CIDEA: variants seen among roughly 807,000 people sequenced by gnomAD.
CIDEA encodes lipid transferase CIDEA.
CIDEA carries 10 observed loss-of-function variants against 18.2 expected under a neutral mutation model. The observed-to-expected ratio is 0.55, with a 90% CI of 0.34 to 0.93. CIDEA has a LOEUF of 0.93. Ranked by LOEUF, CIDEA falls within the 40% of genes least tolerant of loss-of-function variation. CIDEA has a pLI of 0.02. For synonymous variants in CIDEA, 128 were observed against 124.8 expected (o/e 1.03, Z -0.17); for missense variants, 309 against 293.1 (o/e 1.05, Z -0.40).
At position 12,270,318 on chromosome 18, in the gene CIDEA, A is replaced by G. The variant is rs562528085; in HGVS notation, c.331-3775A>G. ...CATATACATATATATTATATATATAACCTCACAATTTTCCTGACTGGGAAA... is the reference window on the plus strand; with the variant it reads ...CATATACATATATATTATATATATAGCCTCACAATTTTCCTGACTGGGAAA... On this transcript the variant is annotated intron_variant, in intron 3 of 4. Coordinates refer to ENST00000320477, the MANE Select transcript of CIDEA (RefSeq NM_001279.4). Among the ~76,000 whole-genome samples, 3 of 151,908 alleles carry G rather than the reference A, an allele frequency of 2.0e-5. No individual in the cohort carries two copies. In the East Asian group the frequency reaches 5.8e-4, roughly 29 times the overall value.
At chr18:12,268,104 G>A (rs552597257) in intron 3 of CIDEA, among the ~76,000 whole-genome samples, 355 of 151,768 alleles carry the variant, frequency 2.3e-3, no homozygotes, top group Admixed American at 4.7e-3. Context: ...TCGCTCTGTC[G>A]CCCAGGCTGG....
At chr18:12,257,843 G>A (rs1912080994) in intron 1 of CIDEA, among the ~76,000 whole-genome samples, 1 of 152,134 alleles carries the variant, frequency 6.6e-6, no homozygotes, top group African/African-American at 2.4e-5. Context: ...CCTGCTTTTA[G>A]GCACGGTGCT....
At chr18:12,254,505 G>A in intron 1 of CIDEA, 84 bp downstream of exon 1, 1 of 1,548,934 alleles carries the variant, frequency 6.5e-7, no homozygotes, top group Non-Finnish European at 8.7e-7. Context: ...TGCGCCTCTA[G>A]TACCGTACCC....
intron 1 of CIDEA, among the ~76,000 whole-genome samples, chr18:12,259,722 A>T (rs1035254101): frequency 6.6e-6 from 1 of 152,140 alleles, no homozygotes; most frequent in African/African-American, 2.4e-5. Flanking sequence ...TTAGCCAGGC[A>T]TGGTAGCGGG....
At chr18:12,275,482 G>A (rs1472841073) in intron 4 of CIDEA, among the ~76,000 whole-genome samples, 1 of 152,250 alleles carries the variant, frequency 6.6e-6, no homozygotes, top group Non-Finnish European at 1.5e-5. Flanking sequence ...TAACCTCTGT[G>A]GAGGGAGTGG....
intron 3 of CIDEA, among the ~76,000 whole-genome samples, chr18:12,264,715 G>C (rs1049583701): frequency 6.6e-6 from 1 of 152,014 alleles, no homozygotes; most frequent in African/African-American, 2.4e-5. Context: ...CACCACGCCT[G>C]GCTAACTTTT....
intron 1 of CIDEA, among the ~76,000 whole-genome samples, chr18:12,255,773 G>A (rs1912015697): frequency 6.6e-6 from 1 of 152,194 alleles, no homozygotes; most frequent in Admixed American, 6.5e-5. Flanking sequence ...GCCTGTCCCT[G>A]CCTCTGACTA....
At chr18:12,264,528 T>G (rs1374197078) in intron 3 of CIDEA, 75 bp downstream of exon 3, 8 of 1,097,848 alleles carry the variant, frequency 7.3e-6, no homozygotes, top group Non-Finnish European at 9.1e-6. Flanking sequence ...CCTACTTGGG[T>G]GTTGACTTGT....
chr18:12,260,611 AT>A (rs1477429783), intron 1 of CIDEA, among the ~76,000 whole-genome samples: 1 of 152,264 alleles, frequency 6.6e-6, no homozygotes, highest in Non-Finnish European at 1.5e-5. Context: ...TAAGCTAGGT[AT>A]TACAGGAAAT....
chr18:12,262,960 C>A lies in CIDEA; in HGVS notation c.174C>A (p.Leu58=). The A allele has an allele frequency of 6.2e-7, 1 of 1,614,104 alleles. No individual in the cohort carries two copies. Among genetic ancestry groups the A allele is most frequent in the South Asian group, 1.1e-5 (1 of 91,084 alleles). ...TGATGGCAAGCAGCCTGCAGGAGCT[C>A]ATCAGCAAGGTGCCCCACATCCCGC... ...RGVMASSLQE[L]ISKTLDALVI... is the part of the protein sequence containing the mutation. Residue 58 remains leucine, a synonymous_variant, in exon 2 of 5, where the codon CTC becomes CTA. Coordinates refer to ENST00000320477, the MANE Select transcript of CIDEA (RefSeq NM_001279.4).
At chr18:12,254,488 T>C (rs925957638) in intron 1 of CIDEA, 67 bp downstream of exon 1, 2 of 1,565,350 alleles carry the variant, frequency 1.3e-6, no homozygotes, top group African/African-American at 2.7e-5. Flanking sequence ...GGCCTCATAT[T>C]CCCCTGTGCG....
At chr18:12,271,373 G>A (rs935178111) in intron 3 of CIDEA, among the ~76,000 whole-genome samples, 6 of 152,226 alleles carry the variant, frequency 3.9e-5, no homozygotes, top group African/African-American at 1.2e-4. Context: ...GAGGAGGAGA[G>A]ATGTGGGGTA....
At chr18:12,274,409 G>C in intron 4 of CIDEA, 135 bp downstream of exon 4, 1 of 707,930 alleles carries the variant, frequency 1.4e-6, no homozygotes, top group East Asian at 2.7e-5. Flanking sequence ...AATGTTGTCT[G>C]GAGGTCAACT....
chr18:12,270,894 C>CTTTTTTTTTTTTTTTTCTTTTTT (rs1912501507), intron 3 of CIDEA, among the ~76,000 whole-genome samples: 1 of 60,000 alleles, frequency 1.7e-5, no homozygotes, highest in Non-Finnish European at 2.9e-5. Flanking sequence ...TTTTTCTTTT[C>CTTTTTTTTTTTTTTTTCTTTTTT]TTTTTTTTTT....
chr18:12,263,864 T>C (rs1698883272), intron 2 of CIDEA: 1 of 152,584 alleles, frequency 6.6e-6, no homozygotes, highest in African/African-American at 2.4e-5. Context: ...TCTAAATAAA[T>C]AGGTAATCTT....
intron 3 of CIDEA, among the ~76,000 whole-genome samples, chr18:12,270,894 C>CTTTTTTTTTTTTTTTTCT (rs1912501507): frequency 1.7e-5 from 1 of 60,014 alleles, no homozygotes; most frequent in East Asian, 6.6e-4. Context: ...TTTTTCTTTT[C>CTTTTTTTTTTTTTTTTCT]TTTTTTTTTT....
intron 1 of CIDEA, among the ~76,000 whole-genome samples, chr18:12,258,756 G>A (rs1194774763): frequency 6.6e-6 from 1 of 152,228 alleles, no homozygotes; most frequent in Non-Finnish European, 1.5e-5. Context: ...TTCACTGTAA[G>A]GTGGATCCCA....
At position 12,264,918 on chromosome 18, in the gene CIDEA, G is replaced by A. The variant is rs1376784977; in HGVS notation, c.330+465G>A. Among the ~76,000 whole-genome samples, 17 of 152,136 alleles carry A rather than the reference G, an allele frequency of 1.1e-4. 1 individual carries two copies. The highest frequency in any genetic ancestry group is 1.1e-3 in the Admixed American group (17 of 15,266). Reference sequence around the variant, plus strand: ...ACAACTGGATCCACTGCCCTCAAAGGGATTCTTACAAATGTTTCTAGGAAA... The same window carrying A: ...ACAACTGGATCCACTGCCCTCAAAGAGATTCTTACAAATGTTTCTAGGAAA... On this transcript the variant is annotated intron_variant, in intron 3 of 4. Coordinates refer to ENST00000320477, the MANE Select transcript of CIDEA (RefSeq NM_001279.4).
Position 12,270,902 on chromosome 18 carries a change from T to TC in CIDEA, c.331-3191_331-3190insC, listed in dbSNP as rs1258137679. ...CTTTTTCTTTTTCTTTTCTTTTTTT[T>TC]TTTTTTTTTTTTTTTGAGACAGTTT... On this transcript the variant is annotated intron_variant, in intron 3 of 4. Coordinates refer to ENST00000320477, the MANE Select transcript of CIDEA (RefSeq NM_001279.4). 3.7e-5 allele frequency among the ~76,000 whole-genome samples: 5 copies of TC among 136,962 alleles called. 1 individual carries two copies. The highest frequency in any genetic ancestry group is 2.4e-4 in the South Asian group (1 of 4,086). 89.9% of individuals were successfully genotyped at this position (136,962 alleles called of 152,430 possible). A position where few individuals can be genotyped will look rare whatever the true frequency, so the allele number is the denominator to read the frequency against.
Sources: gnomAD v4.1 joint callset for allele counts (sites outside exome capture counted in the v4.1 genomes callset) on GRCh38, gnomAD v4.1.1 for gene constraint, MANE v1.5 for transcripts, NCBI Gene and HGNC (gene_info 2026-07-23, HGNC 2026-07-21) for gene names.